Variants in ADTRP observed in about 807,000 individuals in gnomAD.
ADTRP encodes the protein androgen-dependent TFPI-regulating protein.
A neutral mutation model predicts 27.0 loss-of-function variants in ADTRP; 20 were observed. The ratio of observed to expected loss-of-function variants is 0.74; its 90% CI spans 0.52 to 1.08. The LOEUF is 1.08. ADTRP is among the 50% of genes least tolerant of loss of function. The pLI is 0.00. For missense variants in ADTRP, 251 were observed against 275.0 expected, an observed-to-expected ratio of 0.91 and a Z score of 0.62; for synonymous variants, 101 against 105.2, an observed-to-expected ratio of 0.96 and a Z score of 0.25.
At chr6:11,764,209 G>A (rs565916183) in intron 3 of ADTRP, among the ~76,000 whole-genome samples, 2 of 152,342 alleles carry the variant, frequency 1.3e-5, no homozygotes, top group Admixed American at 1.3e-4. Flanking sequence ...TGTGATGTAT[G>A]TTATCCAGCT....
intron 4 of ADTRP, among the ~76,000 whole-genome samples, chr6:11,725,687 C>T (rs1292901538): frequency 1.3e-5 from 2 of 151,934 alleles, no homozygotes; most frequent in African/African-American, 4.8e-5. Context: ...TGGGTACACA[C>T]CCAAAAGAAC....
chr6:11,751,540 A>G (rs1310203147), intron 3 of ADTRP, among the ~76,000 whole-genome samples: 2 of 152,134 alleles, frequency 1.3e-5, no homozygotes, highest in African/African-American at 4.8e-5. Flanking sequence ...ACAGGACCTT[A>G]GAATACCTCT....
chr6:11,723,631 T>A, intron 4 of ADTRP, 131 bp from the exon 5 acceptor site: 1 of 1,012,368 alleles, frequency 9.9e-7, no homozygotes, highest in Non-Finnish European at 1.5e-6. Context: ...TCAACAGCTG[T>A]AGTATTCCCA....
At chr6:11,775,967 A>G (rs903767620) in intron 1 of ADTRP, among the ~76,000 whole-genome samples, 3 of 152,242 alleles carry the variant, frequency 2.0e-5, no homozygotes, top group African/African-American at 7.2e-5. Flanking sequence ...TGAGACCTTT[A>G]TGACTTAATA....
chr6:11,724,062 A>AAAATAAAC (rs1554111598), intron 4 of ADTRP, among the ~76,000 whole-genome samples: 1 of 149,792 alleles, frequency 6.7e-6, no homozygotes, highest in Non-Finnish European at 1.5e-5. Flanking sequence ...CTTTGTCTCA[A>AAAATAAAC]AAACAAACAA....
chr6:11,728,782 G>A (rs1028846492), intron 4 of ADTRP, among the ~76,000 whole-genome samples: 5 of 152,204 alleles, frequency 3.3e-5, no homozygotes, highest in African/African-American at 1.2e-4. Flanking sequence ...TGTGTTGGGT[G>A]GCTCTGTAGG....
chr6:11,743,172 T>A (rs78383760), intron 3 of ADTRP, among the ~76,000 whole-genome samples: 4 of 152,162 alleles, frequency 2.6e-5, no homozygotes, highest in South Asian at 2.1e-4. Context: ...TTCCATTTGG[T>A]TTTTCACACT....
chr6:11,776,066 T>C (rs1396328465), intron 1 of ADTRP, among the ~76,000 whole-genome samples: 1 of 152,162 alleles, frequency 6.6e-6, no homozygotes, highest in Non-Finnish European at 1.5e-5. Flanking sequence ...TCTCAAGAGC[T>C]AGACATTTGC....
intron 5 of ADTRP, among the ~76,000 whole-genome samples, chr6:11,717,690 C>T (rs1761877224): frequency 1.3e-5 from 2 of 152,168 alleles, no homozygotes; most frequent in Admixed American, 1.3e-4. Flanking sequence ...GATCTGAGCA[C>T]TGATAGTCCT....
At chr6:11,738,949 T>A (rs943664551) in intron 3 of ADTRP, among the ~76,000 whole-genome samples, 2 of 152,044 alleles carry the variant, frequency 1.3e-5, no homozygotes, top group African/African-American at 4.8e-5. Flanking sequence ...GAGCTAAACA[T>A]GATGCAATAA....
chr6:11,730,890 T>C (rs1387468769), intron 4 of ADTRP, among the ~76,000 whole-genome samples: 1 of 152,224 alleles, frequency 6.6e-6, no homozygotes, highest in Non-Finnish European at 1.5e-5. Flanking sequence ...CCAGGCCAGC[T>C]GGGGTGGTTG....
At chr6:11,774,940 T>C (rs774504921) in intron 1 of ADTRP, among the ~76,000 whole-genome samples, 4 of 152,194 alleles carry the variant, frequency 2.6e-5, no homozygotes, top group African/African-American at 9.6e-5. Flanking sequence ...AGGACACCCA[T>C]GGCACTGCCT....
At position 11,762,815 on chromosome 6, in the gene ADTRP, G is replaced by A. The variant is rs763089639; in HGVS notation, c.390+3459C>T. On this transcript the variant is annotated intron_variant, in intron 3 of 5. Coordinates refer to ENST00000414691, the MANE Select transcript of ADTRP (RefSeq NM_032744.4). ...TTTCACCTCTCCTTTGGGGCGACCT[G>A]AACAATTTAGGTTGATTTCCAGAGA... Among the ~76,000 whole-genome samples, 41 of 152,258 alleles carry A rather than the reference G, an allele frequency of 2.7e-4. 1 individual carries two copies. The highest frequency in any genetic ancestry group is 2.9e-4 in the Non-Finnish European group (20 of 68,006).
chr6:11,741,773 T>A (rs900244536), intron 3 of ADTRP, among the ~76,000 whole-genome samples: 2 of 151,764 alleles, frequency 1.3e-5, no homozygotes, highest in South Asian at 4.2e-4. Flanking sequence ...ATCAGGAATA[T>A]ATCCACCTCT....
chr6:11,765,582 T>C (rs1384149604), intron 3 of ADTRP, among the ~76,000 whole-genome samples: 2 of 152,082 alleles, frequency 1.3e-5, no homozygotes, highest in Non-Finnish European at 2.9e-5. Flanking sequence ...TTTGTAAGTA[T>C]TGAGAAGCTG....
At chr6:11,762,313 T>C (rs115437567) in intron 3 of ADTRP, among the ~76,000 whole-genome samples, 4,567 of 152,290 alleles carry the variant, frequency 0.03, 102 homozygotes, top group Middle Eastern at 0.058. Flanking sequence ...CTAACACCAG[T>C]ATGCCACTGC....
At position 11,718,086 on chromosome 6, in the gene ADTRP, T is replaced by C. The variant is rs77705379; in HGVS notation, c.659-3574A>G. 1.0e-3 allele frequency among the ~76,000 whole-genome samples: 154 copies of C among 152,338 alleles called. 5 individuals are homozygous for C. The East Asian group carries it at 0.026, about 26-fold the overall frequency. Reference sequence around the variant, plus strand: ...AAAAAACCTGGTTTATGGCAAATAATATTAAAAGAAAGTTTCCATGTCATT... The same window carrying C: ...AAAAAACCTGGTTTATGGCAAATAACATTAAAAGAAAGTTTCCATGTCATT... On this transcript the variant is annotated intron_variant, in intron 5 of 5. Transcript: ENST00000414691.
intron 5 of ADTRP, 93 bp downstream of exon 5, chr6:11,723,256 T>C: frequency 4.7e-6 from 7 of 1,483,860 alleles, no homozygotes; most frequent in Non-Finnish European, 6.4e-6. Flanking sequence ...TCATTGCTTC[T>C]GTTTGCGGCT....
At position 11,778,749 on chromosome 6, in the gene ADTRP, G is replaced by C. The variant is rs1371618424; in HGVS notation, c.11C>G (p.Thr4Ser). MTK[T>S]STCIYHFLVL... The stretch of plus-strand genomic sequence containing the variant: ...AAGGAAGTGGTATATGCATGTAGAA[G>C]TCTTCGTCATGGCGAGTGCTGACCG... The change falls in exon 1 of 6, where the codon ACT becomes AGT. Residue 4 changes from threonine to serine, a missense_variant. Physicochemically the swap from Thr to Ser is moderately conservative, Grantham distance 58. Coordinates refer to ENST00000414691, the MANE Select transcript of ADTRP (RefSeq NM_032744.4). 1 of 1,614,058 alleles carries C rather than the reference G, an allele frequency of 6.2e-7. No homozygotes were observed.
Sources: allele counts gnomAD v4.1 joint callset (sites outside exome capture counted in the v4.1 genomes callset), GRCh38; gene constraint gnomAD v4.1.1; transcripts MANE v1.5; gene names NCBI Gene and HGNC (gene_info 2026-07-23, HGNC 2026-07-21).